Variants in SPAG17 observed in about 807,000 individuals in gnomAD.
SPAG17 encodes sperm associated antigen 17, also known as sperm-associated antigen 17.
Under a neutral mutation model 273.6 loss-of-function variants are expected in SPAG17, and 169 were observed. That is an observed-to-expected ratio of 0.62 (90% CI 0.55 to 0.70). The LOEUF is 0.70. Among genes scored for constraint, SPAG17 ranks in the 30% least tolerant of loss-of-function variants. SPAG17 has a pLI of 0.00. For synonymous variants in SPAG17, 825 were observed against 873.2 expected, an observed-to-expected ratio of 0.94 and a Z score of 0.97; for missense variants, 2,557 against 2,627.8, an observed-to-expected ratio of 0.97 and a Z score of 0.59.
intron 28 of SPAG17, among the ~76,000 whole-genome samples, chr1:118,016,960 C>T (rs552898540): frequency 6.6e-6 from 1 of 152,238 alleles, no homozygotes; most frequent in South Asian, 2.1e-4. Context: ...ATGAGGTAAA[C>T]TCAGACCCTG....
intron 4 of SPAG17, among the ~76,000 whole-genome samples, chr1:118,102,783 GT>G (rs1656148773): frequency 6.6e-6 from 1 of 152,216 alleles, no homozygotes; most frequent in African/African-American, 2.4e-5. Flanking sequence ...TCACTGAAAT[GT>G]TGTGGCAGTA....
intron 40 of SPAG17, among the ~76,000 whole-genome samples, chr1:117,986,946 C>G (rs1192892375): frequency 4.0e-5 from 6 of 148,716 alleles, no homozygotes; most frequent in African/African-American, 1.5e-4. Context: ...CCTTGAAATA[C>G]CCACAGGAAA....
chr1:118,069,370 TG>T (rs1241010524), intron 17 of SPAG17, among the ~76,000 whole-genome samples: 2 of 70,806 alleles, frequency 2.8e-5, no homozygotes, highest in African/African-American at 1.2e-4. Context: ...TGGTGGTAGC[TG>T]TGGTGCAGAA....
intron 1 of SPAG17, among the ~76,000 whole-genome samples, chr1:118,174,948 A>G (rs1015951240): frequency 6.6e-6 from 1 of 152,218 alleles, no homozygotes; most frequent in Non-Finnish European, 1.5e-5. Flanking sequence ...CTAAATAATG[A>G]TATCTAAAAC....
At chr1:118,119,616 T>A (rs1442277155) in intron 3 of SPAG17, among the ~76,000 whole-genome samples, 1 of 152,212 alleles carries the variant, frequency 6.6e-6, no homozygotes, top group Non-Finnish European at 1.5e-5. Flanking sequence ...AACTTAGGAT[T>A]GCTTTGGATA....
intron 31 of SPAG17, among the ~76,000 whole-genome samples, chr1:118,006,947 T>C (rs1358439250): frequency 6.6e-6 from 1 of 152,210 alleles, no homozygotes; most frequent in African/African-American, 2.4e-5. Context: ...TAAAGTGGGT[T>C]ATTAGTCTTT....
At chr1:118,097,886 G>C (rs1365845346) in intron 6 of SPAG17, 35 bp from the exon 7 acceptor site, 10 of 1,458,228 alleles carry the variant, frequency 6.9e-6, no homozygotes, top group Non-Finnish European at 9.3e-6. Flanking sequence ...TACCAAATGA[G>C]AGTGTTAAAT....
intron 1 of SPAG17, among the ~76,000 whole-genome samples, chr1:118,173,858 TAA>T (rs11392346): frequency 8.5e-5 from 10 of 118,258 alleles, no homozygotes; most frequent in Admixed American, 1.8e-4. Context: ...AGACCCTGTC[TAA>T]AAAAAAAAAA....
chr1:118,005,339 A>C, intron 32 of SPAG17, 75 bp downstream of exon 32: 1 of 1,286,338 alleles, frequency 7.8e-7, no homozygotes, highest in South Asian at 1.9e-5. Flanking sequence ...AAAAATCTAC[A>C]TGGAAGCTTT....
chr1:117,978,361 C>A (rs757091825), intron 43 of SPAG17, among the ~76,000 whole-genome samples: 1 of 152,194 alleles, frequency 6.6e-6, no homozygotes, highest in Non-Finnish European at 1.5e-5. Context: ...TGACCTTATT[C>A]ATATCTAAGG....
At chr1:118,091,036 T>C (rs1046937206) in intron 10 of SPAG17, among the ~76,000 whole-genome samples, 1 of 152,032 alleles carries the variant, frequency 6.6e-6, no homozygotes, top group African/African-American at 2.4e-5. Flanking sequence ...TTAACAATCA[T>C]GATCAAGAAA....
intron 19 of SPAG17, 118 bp downstream of exon 19, chr1:118,055,615 A>G: frequency 1.2e-6 from 1 of 807,506 alleles, no homozygotes; most frequent in Non-Finnish European, 1.9e-6. Context: ...GAAGAGTCAC[A>G]GGAACTTTTT....
At chr1:118,013,208 A>T (rs561357438) in intron 29 of SPAG17, among the ~76,000 whole-genome samples, 5 of 152,274 alleles carry the variant, frequency 3.3e-5, no homozygotes, top group Admixed American at 1.3e-4. Context: ...CTAAACTTAC[A>T]CTATTCTAAC....
intron 48 of SPAG17, chr1:117,955,295 T>C: frequency 6.2e-7 from 1 of 1,608,444 alleles, no homozygotes; most frequent in Non-Finnish European, 8.5e-7. Context: ...TCACTAATGG[T>C]ATTAATCCTT....
At chr1:118,132,961 T>C (rs762528431) in intron 3 of SPAG17, among the ~76,000 whole-genome samples, 6 of 151,896 alleles carry the variant, frequency 4.0e-5, no homozygotes, top group Non-Finnish European at 7.4e-5. Context: ...TTAGTAGAGA[T>C]AGGGTTTCAC....
intron 18 of SPAG17, among the ~76,000 whole-genome samples, chr1:118,062,677 G>GT (rs1652465147): frequency 6.6e-6 from 1 of 152,032 alleles, no homozygotes; most frequent in East Asian, 1.9e-4. Context: ...TAATATTGTG[G>GT]TTTTTTTAAA....
At chr1:117,979,152 A>G (rs1295608722) in intron 43 of SPAG17, among the ~76,000 whole-genome samples, 2 of 152,088 alleles carry the variant, frequency 1.3e-5, no homozygotes, top group Admixed American at 6.5e-5. Context: ...TACAGGCATG[A>G]GCCACCGCGC....
At chr1:118,162,034 A>G (rs886306544) in intron 1 of SPAG17, among the ~76,000 whole-genome samples, 1 of 152,172 alleles carries the variant, frequency 6.6e-6, no homozygotes, top group African/African-American at 2.4e-5. Context: ...ACACACCCTC[A>G]TAATTCACAT....
chr1:117,970,842 C>T (rs371709226), intron 45 of SPAG17, among the ~76,000 whole-genome samples: 2 of 152,266 alleles, frequency 1.3e-5, no homozygotes, highest in African/African-American at 2.4e-5. Context: ...AGGACCCGCA[C>T]GAATGAGTTT....
Sources: gnomAD v4.1 joint callset for allele counts (sites outside exome capture counted in the v4.1 genomes callset) on GRCh38, gnomAD v4.1.1 for gene constraint, MANE v1.5 for transcripts, NCBI Gene and HGNC (gene_info 2026-07-23, HGNC 2026-07-21) for gene names.